Variants in CABCOCO1 observed in about 807,000 individuals in gnomAD.
CABCOCO1 encodes the protein ciliary associated calcium binding coiled-coil 1.
Under a neutral mutation model 35.7 loss-of-function variants are expected in CABCOCO1, and 28 were observed. That is an observed-to-expected ratio of 0.78 (90% CI 0.58 to 1.07). The LOEUF is 1.07. CABCOCO1 is among the 50% of genes least tolerant of loss of function. The pLI, the probability that CABCOCO1 is intolerant of heterozygous loss-of-function variation, is 0.00. For missense variants in CABCOCO1, 326 were observed against 309.2 expected (o/e 1.05, Z -0.41); for synonymous variants, 95 against 100.1 (o/e 0.95, Z 0.30).
intron 5 of CABCOCO1, among the ~76,000 whole-genome samples, chr10:61,750,976 C>A (rs1405930348): frequency 1.3e-5 from 2 of 152,130 alleles, no homozygotes; most frequent in East Asian, 3.9e-4. Context: ...TCACTCAAGG[C>A]CAATGTGACA....
At position 61,716,417 on chromosome 10, in the gene CABCOCO1, A is replaced by G. The variant is rs979044231; in HGVS notation, c.552+25796A>G. Among the ~76,000 whole-genome samples the G allele has an allele frequency of 2.6e-5, 4 of 152,140 alleles. No individual in the cohort carries two copies. In the East Asian group the frequency reaches 7.7e-4, roughly 29 times the overall value. On this transcript the variant is annotated intron_variant, in intron 5 of 7. Coordinates refer to ENST00000648843, the MANE Select transcript of CABCOCO1 (RefSeq NM_001366906.2). The stretch of plus-strand genomic sequence containing the variant: ...GCTAGGATGCAAGGGGAGCAGAAAT[A>G]AACCCCACCTTTCAATGGGGGGAGT...
At chr10:61,708,164 C>T (rs59097526) in intron 5 of CABCOCO1, among the ~76,000 whole-genome samples, 7,798 of 150,802 alleles carry the variant, frequency 0.052, 725 homozygotes, top group African/African-American at 0.18. Context: ...TTACATCCCT[C>T]ATGCCCAGCA....
At chr10:61,697,106 A>C (rs528023957) in intron 5 of CABCOCO1, among the ~76,000 whole-genome samples, 1 of 152,232 alleles carries the variant, frequency 6.6e-6, no homozygotes, top group South Asian at 2.1e-4. Flanking sequence ...GATTGGCAAA[A>C]TCTATAAAGT....
intron 5 of CABCOCO1, among the ~76,000 whole-genome samples, chr10:61,706,800 C>A (rs1189005641): frequency 1.3e-5 from 2 of 152,054 alleles, no homozygotes; most frequent in East Asian, 3.9e-4. Flanking sequence ...TGAATCACTA[C>A]ATGTTGGGTG....
chr10:61,664,910 G>T (rs1383641799), intron 1 of CABCOCO1, among the ~76,000 whole-genome samples: 1 of 152,110 alleles, frequency 6.6e-6, no homozygotes, highest in Admixed American at 6.5e-5. Context: ...AATACTGAAA[G>T]GTTCTTCTCA....
intron 5 of CABCOCO1, among the ~76,000 whole-genome samples, chr10:61,693,134 G>A (rs929248693): frequency 6.6e-6 from 1 of 151,748 alleles, no homozygotes; most frequent in African/African-American, 2.4e-5. Context: ...ATTGTCATTT[G>A]TATTTTCCCC....
In CABCOCO1 at chr10:61,685,944, C is replaced by G. The variant is rs1480570564; in HGVS notation, c.335-97C>G. ...ACCATTTATCCTCACAAATACTTAA[C>G]AAAGTAAATTTTGGCACATTGAAAA... On this transcript the variant is annotated intron_variant, in intron 3 of 7. Coordinates refer to ENST00000648843, the MANE Select transcript of CABCOCO1 (RefSeq NM_001366906.2). 3.8e-6 allele frequency: 4 copies of G among 1,043,642 alleles called. No homozygotes were observed. The African/African-American group carries it at 6.8e-5, about 18-fold the overall frequency. 64.6% of individuals were successfully genotyped at this position (1,043,642 alleles called of 1,614,324 possible).
rs1328854715 is a variant in CABCOCO1 at position 61,676,440 on chromosome 10, A to T, written c.164+3705A>T. 2.0e-5 allele frequency among the ~76,000 whole-genome samples: 3 copies of T among 152,326 alleles called. No homozygotes were observed. The East Asian group carries it at 5.8e-4, about 29-fold the overall frequency. On this transcript the variant is annotated intron_variant, in intron 2 of 7. Coordinates refer to ENST00000648843, the MANE Select transcript of CABCOCO1 (RefSeq NM_001366906.2). ...AACATCAACAAAAATAGGCAAGCAC[A>T]TGAGAAAAAAAGTAATTGAATTTCC...
chr10:61,685,782 C>CT (rs1489340251), intron 3 of CABCOCO1, among the ~76,000 whole-genome samples: 3 of 152,200 alleles, frequency 2.0e-5, no homozygotes, highest in African/African-American at 7.2e-5. Flanking sequence ...GGCTGGTACT[C>CT]TAACTCATGG....
chr10:61,763,509 G>A (rs192094787), intron 7 of CABCOCO1, among the ~76,000 whole-genome samples: 3,006 of 151,992 alleles, frequency 0.02, 32 homozygotes, highest in Non-Finnish European at 0.033. Context: ...GCCCTGAGTT[G>A]TGTAATAAAA....
intron 1 of CABCOCO1, among the ~76,000 whole-genome samples, chr10:61,671,119 G>A (rs1589108892): frequency 6.6e-6 from 1 of 152,254 alleles, no homozygotes; most frequent in Non-Finnish European, 1.5e-5. Context: ...GAGGTCAGGA[G>A]GTCGAGATCA....
intron 7 of CABCOCO1, among the ~76,000 whole-genome samples, chr10:61,764,266 A>C (rs578244936): frequency 6.6e-6 from 1 of 152,196 alleles, no homozygotes; most frequent in African/African-American, 2.4e-5. Flanking sequence ...AATCCTTTGA[A>C]ATTGTGGTAA....
intron 5 of CABCOCO1, among the ~76,000 whole-genome samples, chr10:61,753,844 A>T (rs1275678198): frequency 6.6e-6 from 1 of 152,142 alleles, no homozygotes; most frequent in Non-Finnish European, 1.5e-5. Flanking sequence ...TATTGAATAT[A>T]TGTTTGATAC....
intron 5 of CABCOCO1, among the ~76,000 whole-genome samples, chr10:61,711,821 A>G (rs1840738748): frequency 6.6e-6 from 1 of 152,054 alleles, no homozygotes; most frequent in Non-Finnish European, 1.5e-5. Context: ...AAATATGTAC[A>G]GACTAAATAC....
chr10:61,663,474 T>G (rs1839072396), intron 1 of CABCOCO1, among the ~76,000 whole-genome samples: 1 of 152,174 alleles, frequency 6.6e-6, no homozygotes, highest in Non-Finnish European at 1.5e-5. Flanking sequence ...GATTACAGTG[T>G]TGCGATTGCT....
chr10:61,730,169 T>TTA (rs1554824979), intron 5 of CABCOCO1, among the ~76,000 whole-genome samples: 5 of 144,180 alleles, frequency 3.5e-5, no homozygotes, highest in East Asian at 2.2e-4. Context: ...CATTGTCCAA[T>TTA]AAAAAAAAAA....
chr10:61,715,039 A>G (rs1009941315), intron 5 of CABCOCO1, among the ~76,000 whole-genome samples: 4 of 152,156 alleles, frequency 2.6e-5, no homozygotes, highest in Admixed American at 6.6e-5. Context: ...TGCTTGGTGC[A>G]GAGCTGAGTT....
chr10:61,711,813 A>G (rs531327540), intron 5 of CABCOCO1, among the ~76,000 whole-genome samples: 140 of 152,148 alleles, frequency 9.2e-4, no homozygotes, highest in Non-Finnish European at 1.6e-3. Context: ...AAAATCCCAA[A>G]TATGTACAGA....
intron 7 of CABCOCO1, among the ~76,000 whole-genome samples, chr10:61,762,672 T>C (rs550713861): frequency 3.9e-5 from 6 of 152,146 alleles, no homozygotes; most frequent in South Asian, 4.1e-4. Flanking sequence ...CCCTGATAAA[T>C]TGAAAAATGG....
Sources: gnomAD v4.1 joint callset for allele counts (sites outside exome capture counted in the v4.1 genomes callset) on GRCh38, gnomAD v4.1.1 for gene constraint, MANE v1.5 for transcripts, NCBI Gene and HGNC (gene_info 2026-07-23, HGNC 2026-07-21) for gene names.